The following SRF variants were observed in gnomAD, a reference collection of about 807,000 sequenced individuals.
SRF encodes c-fos serum response element-binding transcription factor.
SRF carries 7 observed loss-of-function variants against 37.1 expected under a neutral mutation model. The ratio of observed to expected loss-of-function variants is 0.19; its 90% CI spans 0.11 to 0.35. SRF has a LOEUF of 0.35. Ranked by LOEUF, SRF falls within the 10% of genes least tolerant of loss-of-function variation. The pLI is 1.00. For missense variants in SRF, 395 were observed against 694.4 expected, an observed-to-expected ratio of 0.57 and a Z score of 4.85; for synonymous variants, 285 against 310.1, an observed-to-expected ratio of 0.92 and a Z score of 0.85.
rs1772266549 is a variant in SRF, at chr6:43,179,402, C to T, written c.*212C>T. On this transcript the variant is annotated 3_prime_UTR_variant, in exon 7 of 7. Transcript: ENST00000265354. The surrounding 1 kb of genome is among the most constrained non-coding windows in gnomAD (Gnocchi z 5.3). ...TCCCTCAGCCTCCCCTTCTTCCCGC[C>T]CCACCTCCCATTTCTGTTGCTGGAG... 3.4e-6 allele frequency: 2 copies of T among 588,632 alleles called. No individual in the cohort carries two copies. The highest frequency in any genetic ancestry group is 2.0e-5 in the South Asian group (1 of 50,636). The allele number at this position is 588,632 out of a possible 1,614,324, so 36.5% of individuals were successfully genotyped here. A position where few individuals can be genotyped will look rare whatever the true frequency, so the allele number is the denominator to read the frequency against.
In SRF at chr6:43,171,923, G is replaced by A. The variant is rs768819977; in HGVS notation, c.267G>A (p.Glu89=). 2.7e-5 allele frequency: 40 copies of A among 1,457,112 alleles called. 1 individual carries two copies. In the Middle Eastern group the frequency reaches 5.4e-4, roughly 20 times the overall value. The allele number at this position is 1,457,112 out of a possible 1,614,324, so 90.3% of individuals were successfully genotyped here. Residue 89 remains glutamate (E), a synonymous_variant, in exon 1 of 7, where the codon GAG becomes GAA. Coordinates refer to ENST00000265354, the MANE Select transcript of SRF (RefSeq NM_003131.4). The surrounding 1 kb of genome is among the most constrained non-coding windows in gnomAD (Gnocchi z 6.5). ...SEGDSESGEE[E]ELGAERRGLK... ...GCGACTCGGAGTCGGGCGAGGAGGA[G>A]GAGCTGGGCGCCGAGCGGCGCGGCC...
At position 43,179,498 on chromosome 6, in the gene SRF, A is replaced by G. The variant is rs1251839706; in HGVS notation, c.*308A>G. 3 of 386,912 alleles carry G rather than the reference A, an allele frequency of 7.8e-6. No homozygotes were observed. Among genetic ancestry groups the G allele is most frequent in the East Asian group, 5.9e-5 (1 of 17,058 alleles). The allele number at this position is 386,912 out of a possible 1,614,324, so 24.0% of individuals were successfully genotyped here. Reference sequence around the variant, plus strand: ...TTTGCCATGAGTATTAGCTTACCCAATGGGACCGTGCCCCACCTCCCCACA... The same window carrying G: ...TTTGCCATGAGTATTAGCTTACCCAGTGGGACCGTGCCCCACCTCCCCACA... On this transcript the variant is annotated 3_prime_UTR_variant, in exon 7 of 7. Coordinates refer to ENST00000265354, the MANE Select transcript of SRF (RefSeq NM_003131.4). The surrounding 1 kb of genome is among the most constrained non-coding windows in gnomAD (Gnocchi z 5.3).
rs1772264661 is a variant in SRF, at chr6:43,179,283, C to T, written c.*93C>T. Reference sequence around the variant, plus strand: ...TTTCTTTACACACACGTTGACGGGCCGCAGGAGGGAGGCGGGGAGGAGGAA... The same window carrying T: ...TTTCTTTACACACACGTTGACGGGCTGCAGGAGGGAGGCGGGGAGGAGGAA... On this transcript the variant is annotated 3_prime_UTR_variant, in exon 7 of 7. Coordinates refer to ENST00000265354, the MANE Select transcript of SRF (RefSeq NM_003131.4). This position sits in a 1 kb window ranked among gnomAD's most constrained non-coding sequence, Gnocchi z 5.3. 3 of 1,375,434 alleles carry T rather than the reference C, an allele frequency of 2.2e-6. No homozygotes were observed. Among genetic ancestry groups the T allele is most frequent in the Admixed American group, 2.0e-5 (1 of 51,232 alleles). The allele number at this position is 1,375,434 out of a possible 1,614,324, so 85.2% of individuals were successfully genotyped here.
intron 2 of SRF, among the ~76,000 whole-genome samples, chr6:43,174,873 CTTGGTTCTCAGT>C (rs1255144489): frequency 6.6e-6 from 1 of 152,212 alleles, no homozygotes; most frequent in East Asian, 1.9e-4. Flanking sequence ...GGCTTGGTGG[CTTGGTTCTCAGT>C]TTCCTTCTTC....
Position 43,171,855 on chromosome 6 carries a change from A to T in SRF, c.199A>T (p.Thr67Ser). 1 of 1,268,432 alleles carries T rather than the reference A, an allele frequency of 7.9e-7. No homozygotes were observed. Among genetic ancestry groups the T allele is most frequent in the African/African-American group, 1.6e-5 (1 of 64,298 alleles). 78.6% of individuals were successfully genotyped at this position (1,268,432 alleles called of 1,614,324 possible). The change falls in exon 1 of 7, where the codon ACC becomes TCC. Residue 67 changes from threonine (T) to serine (S), a missense_variant. Thr to Ser is a moderately conservative substitution (Grantham distance 58, BLOSUM62 1). Around this residue, in one of 4 missense-constraint regions of SRF, gnomAD observed 134 missense variants for 204.5 expected, o/e 0.66. Transcript: ENST00000265354. The surrounding 1 kb of genome is among the most constrained non-coding windows in gnomAD (Gnocchi z 6.5). ...GGAGGCTGCGGCAGCGGCGGCAACC[A>T]CCCCGGCGCCCACCGCGGGGGCCCT... is the stretch of plus-strand genomic sequence containing the variant. The part of the protein sequence containing the change: ...EREAAAAAAT[T>S]PAPTAGALYS...
intron 4 of SRF, among the ~76,000 whole-genome samples, chr6:43,177,419 A>G (rs1772223249): frequency 1.3e-5 from 2 of 150,638 alleles, no homozygotes. Flanking sequence ...TTTAGTAGAG[A>G]CGGGGTTTCA....
Position 43,178,499 on chromosome 6 carries a change from C to A in SRF, c.1354+14C>A. On this transcript the variant is annotated intron_variant, in intron 5 of 6. Transcript: ENST00000265354. This position sits in a 1 kb window ranked among gnomAD's most constrained non-coding sequence, Gnocchi z 4.3. ...TCCAGGAGCCAGGTGAGTAGAGGAG[C>A]AGGGCTAAGGAAAGGAGGACCGTTT... 1.2e-6 allele frequency: 2 copies of A among 1,609,064 alleles called. No individual in the cohort carries two copies. Among genetic ancestry groups the A allele is most frequent in the South Asian group, 2.2e-5 (2 of 90,852 alleles).
intron 2 of SRF, 23 bp from the exon 3 acceptor site, chr6:43,175,683 C>T (rs774171725): frequency 1.7e-5 from 27 of 1,612,288 alleles, no homozygotes; most frequent in African/African-American, 2.7e-5. Context: ...GGGCTCATTG[C>T]TTCATCTTTA....
At position 43,179,216 on chromosome 6, in the gene SRF, C is replaced by T; in HGVS notation, c.*26C>T. On this transcript the variant is annotated 3_prime_UTR_variant, in exon 7 of 7. Transcript: ENST00000265354. This position sits in a 1 kb window ranked among gnomAD's most constrained non-coding sequence, Gnocchi z 5.3. ...TCCGCCCGCCGCCCTGGACAGATGG[C>T]CCAAGGGATGGCACCACTTATTTAT... The T allele has an allele frequency of 6.2e-7, 1 of 1,611,186 alleles. No homozygotes were observed. The highest frequency in any genetic ancestry group is 2.2e-5 in the East Asian group (1 of 44,866).
rs1042054793 is a variant in SRF, at chr6:43,178,466, C to A, written c.1335C>A (p.His445Gln). The A allele has an allele frequency of 1.2e-6, 2 of 1,613,466 alleles. No individual in the cohort carries two copies. Among genetic ancestry groups the A allele is most frequent in the African/African-American group, 2.7e-5 (2 of 74,926 alleles). The change falls in exon 5 of 7, where the codon CAC (histidine) becomes CAA (glutamine). Residue 445 changes from histidine to glutamine, a missense_variant. Around this residue, in one of 4 missense-constraint regions of SRF, gnomAD observed 232 missense variants for 335.6 expected, o/e 0.69. Transcript: ENST00000265354. The surrounding 1 kb of genome is among the most constrained non-coding windows in gnomAD (Gnocchi z 4.3). Reference protein sequence around the residue: ...SQAPSTMQVSHSQVQEPGGVP... With the variant: ...SQAPSTMQVSQSQVQEPGGVP... Reference sequence around the variant, plus strand: ...CACCATCCACCATGCAGGTGTCACACAGCCAGGTCCAGGAGCCAGGTGAGT... The same window carrying A: ...CACCATCCACCATGCAGGTGTCACAAAGCCAGGTCCAGGAGCCAGGTGAGT...
At position 43,175,838 on chromosome 6, in the gene SRF, C is replaced by T. The variant is rs762266039; in HGVS notation, c.913C>T (p.Pro305Ser). Residue 305 changes from proline to serine, a missense_variant, in exon 3 of 7, where the codon CCA becomes TCA. Pro to Ser is a moderately conservative substitution (Grantham distance 74, BLOSUM62 -1). Transcript: ENST00000265354. ...CTTTCCCATCACCAACTACCTGGCACCAGTGTCTGCTAGTGTCAGCCCCAG... is the reference window on the plus strand; with the variant it reads ...CTTTCCCATCACCAACTACCTGGCATCAGTGTCTGCTAGTGTCAGCCCCAG... ...PSFPITNYLA[P>S]VSASVSPSAV... 6.2e-7 allele frequency: 1 copy of T among 1,614,226 alleles called. No homozygotes were observed. Among genetic ancestry groups the T allele is most frequent in the South Asian group, 1.1e-5 (1 of 91,090 alleles).
rs1225507158 is a variant in SRF, at chr6:43,179,256, G to T, written c.*66G>T. The T allele has an allele frequency of 6.4e-7, 1 of 1,568,522 alleles. No individual in the cohort carries two copies. Among genetic ancestry groups the T allele is most frequent in the Admixed American group, 1.7e-5 (1 of 57,724 alleles). On this transcript the variant is annotated 3_prime_UTR_variant, in exon 7 of 7. Transcript: ENST00000265354. The surrounding 1 kb of genome is among the most constrained non-coding windows in gnomAD (Gnocchi z 5.3). ...CACTTATTTATTGTTGCCTTTTCAC[G>T]TTTTCTTTACACACACGTTGACGGG... is the stretch of plus-strand genomic sequence containing the variant.
In SRF at chr6:43,173,750, G is replaced by C; in HGVS notation, c.514-97G>C. On this transcript the variant is annotated intron_variant, in intron 1 of 6. Transcript: ENST00000265354. This position sits in a 1 kb window ranked among gnomAD's most constrained non-coding sequence, Gnocchi z 4.2. The stretch of plus-strand genomic sequence containing the variant: ...AGAGACGAAGGTCATTATGGGAATG[G>C]GGGAATGACATCACTGTATAATTCT... 6.8e-7 allele frequency: 1 copy of C among 1,467,712 alleles called. No individual in the cohort carries two copies. Among genetic ancestry groups the C allele is most frequent in the African/African-American group, 1.4e-5 (1 of 71,660 alleles). 90.9% of individuals were successfully genotyped at this position (1,467,712 alleles called of 1,614,324 possible).
rs34859963 is a variant in SRF, at chr6:43,176,807, TG to T, written c.1162+144del. On this transcript the variant is annotated intron_variant, in intron 4 of 6. Coordinates refer to ENST00000265354, the MANE Select transcript of SRF (RefSeq NM_003131.4). This position sits in a 1 kb window ranked among gnomAD's most constrained non-coding sequence, Gnocchi z 4.0. The stretch of plus-strand genomic sequence containing the variant: ...ATTGAGGCTTTGGGCCTAATAATTA[TG>T]GGGAAGTCAGGTGAGGATGACTGGG... 1.5e-6 allele frequency: 2 copies of T among 1,313,314 alleles called. No individual in the cohort carries two copies. The highest frequency in any genetic ancestry group is 1.0e-6 in the Non-Finnish European group (1 of 965,256). The allele number at this position is 1,313,314 out of a possible 1,614,324, so 81.4% of individuals were successfully genotyped here. A position where few individuals can be genotyped will look rare whatever the true frequency, so the allele number is the denominator to read the frequency against.
intron 4 of SRF, among the ~76,000 whole-genome samples, chr6:43,177,228 G>GTTTTTTTTTTGTTTTTTTTTTTTT (rs1772215070): frequency 1.7e-5 from 2 of 116,848 alleles, no homozygotes; most frequent in African/African-American, 7.6e-5. Flanking sequence ...ATCGGAGTCT[G>GTTTTTTTTTTGTTTTTTTTTTTTT]TTTTTTTTTT....
Position 43,172,079 on chromosome 6 carries a change from G to C in SRF, c.423G>C (p.Arg141=). The change falls in exon 1 of 7, where the codon CGG becomes CGC. Residue 141 remains arginine, a synonymous_variant. Transcript: ENST00000265354. This position sits in a 1 kb window ranked among gnomAD's most constrained non-coding sequence, Gnocchi z 5.7. ...VSGAKPGKKT[R]GRVKIKMEFI... ...GGGCCAAGCCGGGTAAGAAGACCCG[G>C]GGCCGCGTGAAGATCAAGATGGAGT... 1.2e-5 allele frequency: 19 copies of C among 1,611,732 alleles called. No individual in the cohort carries two copies. Among genetic ancestry groups the C allele is most frequent in the Non-Finnish European group, 1.6e-5 (19 of 1,179,584 alleles).
Position 43,176,444 on chromosome 6 carries a change from T to G in SRF, c.1043-104T>G. 2 of 1,527,412 alleles carry G rather than the reference T, an allele frequency of 1.3e-6. No individual in the cohort carries two copies. The highest frequency in any genetic ancestry group is 1.8e-6 in the Non-Finnish European group (2 of 1,123,560). The allele number at this position is 1,527,412 out of a possible 1,614,324, so 94.6% of individuals were successfully genotyped here. A position where few individuals can be genotyped will look rare whatever the true frequency, so the allele number is the denominator to read the frequency against. ...CTTCCAGGAAAGATAGTGATGGGAGTTGGAGACCAGTGTGCCAGACCCTGG... is the reference window on the plus strand; with the variant it reads ...CTTCCAGGAAAGATAGTGATGGGAGGTGGAGACCAGTGTGCCAGACCCTGG... On this transcript the variant is annotated intron_variant, in intron 3 of 6. Coordinates refer to ENST00000265354, the MANE Select transcript of SRF (RefSeq NM_003131.4). This position sits in a 1 kb window ranked among gnomAD's most constrained non-coding sequence, Gnocchi z 4.0.
rs960235350 is a variant in SRF, at chr6:43,181,115, C to G, written c.*1925C>G. The G allele has an allele frequency of 1.3e-5, 2 of 152,722 alleles. No individual in the cohort carries two copies. Among genetic ancestry groups the G allele is most frequent in the African/African-American group, 2.4e-5 (1 of 41,454 alleles). The allele number at this position is 152,722 out of a possible 1,614,324, so 9.5% of individuals were successfully genotyped here. A position where few individuals can be genotyped will look rare whatever the true frequency, so the allele number is the denominator to read the frequency against. On this transcript the variant is annotated 3_prime_UTR_variant, in exon 7 of 7. Transcript: ENST00000265354. Reference sequence around the variant, plus strand: ...ATCACTCACTCACTCCCCACTCCCCCACCCATGGGGAGGAGACCTTTGATG... The same window carrying G: ...ATCACTCACTCACTCCCCACTCCCCGACCCATGGGGAGGAGACCTTTGATG...
chr6:43,180,785 A>G lies in SRF; in HGVS notation c.*1595A>G, dbSNP rs1772311093. 6.6e-6 allele frequency: 1 copy of G among 152,294 alleles called. No homozygotes were observed. Among genetic ancestry groups the G allele is most frequent in the African/African-American group, 2.4e-5 (1 of 41,434 alleles). 9.4% of individuals were successfully genotyped at this position (152,294 alleles called of 1,614,324 possible). A position where few individuals can be genotyped will look rare whatever the true frequency, so the allele number is the denominator to read the frequency against. ...ACCCCTAAGACTGCCTTCAGTAGGA[A>G]CAAGCTGGCTTCTGTGATTAGGTGA... is the stretch of plus-strand genomic sequence containing the variant. On this transcript the variant is annotated 3_prime_UTR_variant, in exon 7 of 7. Transcript: ENST00000265354.
Sources: allele counts gnomAD v4.1 joint callset (sites outside exome capture counted in the v4.1 genomes callset), GRCh38; gene constraint gnomAD v4.1.1; regional missense constraint gnomAD v4.1.1; non-coding constraint Gnocchi (gnomAD v3.1); transcripts MANE v1.5; gene names NCBI Gene and HGNC (gene_info 2026-07-23, HGNC 2026-07-21).